Variants in SLAIN2 observed in about 807,000 individuals in gnomAD.
The protein encoded by SLAIN2 is SLAIN motif-containing protein 2.
SLAIN2 carries 31 observed loss-of-function variants against 56.6 expected under a neutral mutation model. The observed-to-expected ratio is 0.55, with a 90% confidence interval of 0.41 to 0.74. The LOEUF is 0.74. Among genes scored for constraint, SLAIN2 ranks in the 30% least tolerant of loss-of-function variants. SLAIN2 has a pLI of 0.00. For missense variants in SLAIN2, 777 were observed against 754.2 expected, an observed-to-expected ratio of 1.03 and a Z score of -0.35; for synonymous variants, 317 against 284.9, an observed-to-expected ratio of 1.11 and a Z score of -1.13.
intron 6 of SLAIN2, among the ~76,000 whole-genome samples, chr4:48,407,272 C>T (rs1716723321): frequency 6.6e-6 from 1 of 151,994 alleles, no homozygotes. Context: ...CCTTAGTCTT[C>T]TTCTTAAAAT....
At chr4:48,346,996 G>T (rs1200490959) in intron 1 of SLAIN2, among the ~76,000 whole-genome samples, 14 of 151,654 alleles carry the variant, frequency 9.2e-5, no homozygotes, top group Admixed American at 2.0e-4. Flanking sequence ...GTTAGCAGTG[G>T]TTTTCCAGTC....
Position 48,341,675 on chromosome 4 carries a change from C to G in SLAIN2, c.-65C>G. The stretch of plus-strand genomic sequence containing the variant: ...GAGCGGCGGCGACGCCTCTTTCCTC[C>G]GTCTCTTTCCCTGTCGCTGCGAGAG... On this transcript the variant is annotated 5_prime_UTR_variant, in exon 1 of 8. Transcript: ENST00000264313. 1 of 1,499,632 alleles carries G rather than the reference C, an allele frequency of 6.7e-7. No individual in the cohort carries two copies. The highest frequency in any genetic ancestry group is 1.3e-5 in the South Asian group (1 of 77,804). 92.9% of individuals were successfully genotyped at this position (1,499,632 alleles called of 1,614,324 possible).
intron 1 of SLAIN2, among the ~76,000 whole-genome samples, chr4:48,357,385 T>C (rs1022218385): frequency 1.1e-4 from 17 of 152,040 alleles, no homozygotes; most frequent in Admixed American, 9.2e-4. Context: ...CTTTTTTTTT[T>C]TCCTCCTGTT....
intron 1 of SLAIN2, among the ~76,000 whole-genome samples, chr4:48,342,420 G>T (rs575423345): frequency 6.6e-6 from 1 of 152,346 alleles, no homozygotes; most frequent in East Asian, 1.9e-4. Context: ...TGTTCGCCTG[G>T]GGAGGAGTCG....
intron 6 of SLAIN2, chr4:48,394,437 G>T (rs1230723173): frequency 9.8e-6 from 6 of 610,676 alleles, no homozygotes; most frequent in African/African-American, 9.3e-5. Context: ...TTGCTTCTAG[G>T]ATTCTAACAT....
chr4:48,361,987 A>G (rs1715338745), intron 1 of SLAIN2, among the ~76,000 whole-genome samples: 1 of 152,208 alleles, frequency 6.6e-6, no homozygotes. Flanking sequence ...GTGTTTAGAA[A>G]TACAATTTTT....
intron 6 of SLAIN2, among the ~76,000 whole-genome samples, chr4:48,385,940 AT>A (rs1438874526): frequency 1.3e-5 from 2 of 151,000 alleles, no homozygotes; most frequent in African/African-American, 4.9e-5. Context: ...CTCTAAAAAA[AT>A]GTTTTTTTTT....
intron 7 of SLAIN2, among the ~76,000 whole-genome samples, chr4:48,421,319 C>T (rs962513980): frequency 2.0e-5 from 3 of 151,944 alleles, no homozygotes; most frequent in Non-Finnish European, 4.4e-5. Context: ...TGTTTGTTTG[C>T]GTAATCTTCA....
In SLAIN2 at chr4:48,425,914, T is replaced by G. The variant is rs1257067625; in HGVS notation, c.*3837T>G. ...AAAACTATGTTAACTGAATGCTAGT[T>G]TGAAACAAATTATCTACATTAAGTC... On this transcript the variant is annotated 3_prime_UTR_variant, in exon 8 of 8. Transcript: ENST00000264313. The G allele has an allele frequency of 1.3e-5, 2 of 152,226 alleles. No homozygotes were observed. The highest frequency in any genetic ancestry group is 4.8e-5 in the African/African-American group (2 of 41,468). The allele number at this position is 152,226 out of a possible 1,614,324, so 9.4% of individuals were successfully genotyped here.
chr4:48,364,836 G>A (rs1376777939), intron 1 of SLAIN2, among the ~76,000 whole-genome samples: 1 of 134,186 alleles, frequency 7.5e-6, no homozygotes, highest in East Asian at 2.7e-4. Context: ...CTTCGGCTCC[G>A]CATGAGAGGG....
At chr4:48,398,770 G>A (rs1218926047) in intron 6 of SLAIN2, among the ~76,000 whole-genome samples, 1 of 152,234 alleles carries the variant, frequency 6.6e-6, no homozygotes, top group African/African-American at 2.4e-5. Flanking sequence ...CCCATTGCTT[G>A]TTTTTGTCAG....
intron 1 of SLAIN2, among the ~76,000 whole-genome samples, chr4:48,353,424 A>C (rs1349267905): frequency 6.6e-6 from 1 of 152,158 alleles, no homozygotes; most frequent in Non-Finnish European, 1.5e-5. Context: ...TTCAAAAAAG[A>C]CTTCATGGTC....
intron 7 of SLAIN2, among the ~76,000 whole-genome samples, chr4:48,421,731 T>C (rs1039873924): frequency 6.6e-6 from 1 of 151,744 alleles, no homozygotes; most frequent in Non-Finnish European, 1.5e-5. Flanking sequence ...AGGTTGGTTA[T>C]CTGTGTGCTT....
chr4:48,403,672 A>G (rs1340715038), intron 6 of SLAIN2, among the ~76,000 whole-genome samples: 1 of 152,136 alleles, frequency 6.6e-6, no homozygotes, highest in African/African-American at 2.4e-5. Context: ...CCAAGCCAGT[A>G]GGTCTTGTGA....
rs541736876 is a variant in SLAIN2, at chr4:48,341,909, C to T, written c.170C>T (p.Pro57Leu). The T allele has an allele frequency of 5.7e-5, 86 of 1,508,010 alleles. No individual in the cohort carries two copies. The East Asian group carries it at 1.7e-3, about 30-fold the overall frequency. The allele number at this position is 1,508,010 out of a possible 1,614,324, so 93.4% of individuals were successfully genotyped here. A position where few individuals can be genotyped will look rare whatever the true frequency, so the allele number is the denominator to read the frequency against. The change falls in exon 1 of 8, where the codon CCC (proline) becomes CTC (leucine). Residue 57 changes from proline (P) to leucine (L), a missense_variant. Transcript: ENST00000264313. ...GSPVRAGASI[P>L]SSGAASPRGF... is the part of the protein sequence containing the mutation. ...CCGGTTCGGGCCGGCGCGTCCATTC[C>T]CTCCTCCGGCGCGGCGTCTCCTCGG...
intron 6 of SLAIN2, among the ~76,000 whole-genome samples, chr4:48,398,671 A>G (rs1400405670): frequency 6.6e-6 from 1 of 152,124 alleles, no homozygotes; most frequent in Admixed American, 6.6e-5. Flanking sequence ...TAAATTTTTT[A>G]TAAGGTGTAA....
rs1042186222 is a variant in SLAIN2 at position 48,422,514 on chromosome 4, T to C, written c.*437T>C. ...CTGTATAAATAGTATCAATAAATAT[T>C]TGTGTTAATGAGAACTAATATTCTG... On this transcript the variant is annotated 3_prime_UTR_variant, in exon 8 of 8. Transcript: ENST00000264313. The C allele has an allele frequency of 6.4e-6, 1 of 156,126 alleles. No homozygotes were observed. Among genetic ancestry groups the C allele is most frequent in the African/African-American group, 2.4e-5 (1 of 41,490 alleles). The allele number at this position is 156,126 out of a possible 1,614,324, so 9.7% of individuals were successfully genotyped here.
intron 6 of SLAIN2, among the ~76,000 whole-genome samples, chr4:48,400,242 G>A (rs1716511649): frequency 6.6e-6 from 1 of 152,206 alleles, no homozygotes; most frequent in Admixed American, 6.5e-5. Context: ...GAGGGTGTAT[G>A]TGTCCAGGAA....
At chr4:48,418,041 G>T (rs1717043027) in intron 6 of SLAIN2, among the ~76,000 whole-genome samples, 2 of 151,960 alleles carry the variant, frequency 1.3e-5, no homozygotes, top group African/African-American at 4.8e-5. Context: ...CAACCATGGG[G>T]ACAGTTTCTA....
Sources: gnomAD v4.1 joint callset for allele counts (sites outside exome capture counted in the v4.1 genomes callset) on GRCh38, gnomAD v4.1.1 for gene constraint, MANE v1.5 for transcripts, NCBI Gene and HGNC (gene_info 2026-07-23, HGNC 2026-07-21) for gene names.